Variants in LIMCH1 observed in about 807,000 individuals in gnomAD.
LIMCH1 encodes the protein LIM and calponin homology domains-containing protein 1.
Under a neutral mutation model 176.5 loss-of-function variants are expected in LIMCH1, and 113 were observed. The observed-to-expected ratio is 0.64, with a 90% CI of 0.55 to 0.75. LIMCH1 has a LOEUF of 0.75. Ranked by LOEUF, LIMCH1 falls within the 30% of genes least tolerant of loss-of-function variation. LIMCH1 has a pLI of 0.00. For missense variants in LIMCH1, 1,674 were observed against 1,814.9 expected (o/e 0.92, Z 1.41); for synonymous variants, 619 against 645.9 (o/e 0.96, Z 0.63).
At chr4:41,417,499 A>G (rs540410645) in intron 1 of LIMCH1, among the ~76,000 whole-genome samples, 2 of 152,124 alleles carry the variant, frequency 1.3e-5, no homozygotes, top group African/African-American at 4.8e-5. Context: ...AGTAGTCGTT[A>G]TCTCTGGAGA....
At chr4:41,629,189 A>G (rs1407482504) in intron 8 of LIMCH1, among the ~76,000 whole-genome samples, 1 of 152,202 alleles carries the variant, frequency 6.6e-6, no homozygotes, top group Non-Finnish European at 1.5e-5. Context: ...ATTACCATCC[A>G]ACCAAAATCT....
chr4:41,377,484 T>A (rs1581216838), intron 1 of LIMCH1, among the ~76,000 whole-genome samples: 2 of 152,222 alleles, frequency 1.3e-5, no homozygotes, highest in East Asian at 1.9e-4. Flanking sequence ...CCAGTAATAC[T>A]CTCATCTACC....
chr4:41,531,342 C>T (rs1002354352), intron 3 of LIMCH1, among the ~76,000 whole-genome samples: 6 of 152,028 alleles, frequency 3.9e-5, no homozygotes, highest in African/African-American at 1.4e-4. Flanking sequence ...CCATACCTAA[C>T]AAGTGATCAT....
chr4:41,419,645 T>C (rs148650578), intron 1 of LIMCH1, among the ~76,000 whole-genome samples: 5,632 of 49,966 alleles, frequency 0.11, 533 homozygotes, highest in African/African-American at 0.32. Flanking sequence ...CTCCTTCCTT[T>C]CTTCCTCCTT....
At chr4:41,369,791 T>C (rs574281947) in intron 1 of LIMCH1, among the ~76,000 whole-genome samples, 4 of 152,236 alleles carry the variant, frequency 2.6e-5, no homozygotes, top group African/African-American at 9.6e-5. Flanking sequence ...TCAGCCAGGC[T>C]GTTCCTCACT....
chr4:41,651,095 C>G (rs946727853), intron 18 of LIMCH1, among the ~76,000 whole-genome samples: 1 of 152,054 alleles, frequency 6.6e-6, no homozygotes, highest in African/African-American at 2.4e-5. Flanking sequence ...CAACCTCTGC[C>G]TCCAGGCTTC....
At chr4:41,692,235 A>G (rs780950031) in intron 30 of LIMCH1, 47 bp from the exon 31 acceptor site, 1 of 1,119,708 alleles carries the variant, frequency 8.9e-7, no homozygotes, top group Non-Finnish European at 1.4e-6. Context: ...ATTAGAAAGA[A>G]ACAATTCCTT....
chr4:41,564,573 C>T (rs1393444901), intron 1 of LIMCH1, among the ~76,000 whole-genome samples: 2 of 152,086 alleles, frequency 1.3e-5, no homozygotes, highest in African/African-American at 4.8e-5. Context: ...CTGTTTTGTC[C>T]TCAGTGAAAT....
intron 1 of LIMCH1, among the ~76,000 whole-genome samples, chr4:41,491,243 C>T (rs547478478): frequency 2.2e-5 from 3 of 139,414 alleles, no homozygotes; most frequent in South Asian, 2.4e-4. Context: ...ATGGGGCGGC[C>T]GGGCAGAGGC....
Position 41,464,269 on chromosome 4 carries a change from A to G in LIMCH1, c.97-30267A>G, listed in dbSNP as rs183295919. Among the ~76,000 whole-genome samples, 474 of 149,648 alleles carry G rather than the reference A, an allele frequency of 3.2e-3. 9 individuals are homozygous for G. The highest frequency in any genetic ancestry group is 0.03 in the Admixed American group (448 of 15,054). On this transcript the variant is annotated intron_variant, in intron 1 of 26. Transcript: ENST00000313860. The stretch of plus-strand genomic sequence containing the variant: ...TCCTCCACTGGGCTGTGTGCATGCC[A>G]TCTCCTCCCCTGGAAGGCTCTTCCC...
intron 1 of LIMCH1, among the ~76,000 whole-genome samples, chr4:41,438,675 C>A (rs1357296978): frequency 6.6e-6 from 1 of 151,616 alleles, no homozygotes; most frequent in African/African-American, 2.4e-5. Context: ...TTTCAAACTT[C>A]TGCAGTGAAG....
chr4:41,643,141 A>C (rs115942529), intron 14 of LIMCH1, among the ~76,000 whole-genome samples: 192 of 152,206 alleles, frequency 1.3e-3, no homozygotes, highest in African/African-American at 4.2e-3. Context: ...ATTCCTTTTG[A>C]GTGGATTGAA....
rs554553102 is a variant in LIMCH1, at chr4:41,377,061, A to G, written c.96+16125A>G. ...AAGCACATGAAATTAAGACTTTCAG[A>G]TGTATGTACAATATTGCAGCATAAC... On this transcript the variant is annotated intron_variant, in intron 1 of 26. Transcript: ENST00000313860. Among the ~76,000 whole-genome samples, 158 of 152,320 alleles carry G rather than the reference A, an allele frequency of 1.0e-3. 1 individual carries two copies. The highest frequency in any genetic ancestry group is 3.4e-3 in the African/African-American group (143 of 41,564).
At chr4:41,378,877 G>A (rs1186237231) in intron 1 of LIMCH1, among the ~76,000 whole-genome samples, 1 of 152,154 alleles carries the variant, frequency 6.6e-6, no homozygotes, top group Non-Finnish European at 1.5e-5. Context: ...TGACGAAGGG[G>A]TAGAGAGGGA....
chr4:41,487,751 T>C (rs576571036), intron 1 of LIMCH1, among the ~76,000 whole-genome samples: 20 of 143,808 alleles, frequency 1.4e-4, no homozygotes, highest in Non-Finnish European at 2.9e-4. Context: ...CTCCACCTCC[T>C]GGGTTCACGC....
intron 2 of LIMCH1, among the ~76,000 whole-genome samples, chr4:41,499,291 G>A (rs1238732333): frequency 1.3e-5 from 2 of 152,016 alleles, no homozygotes; most frequent in Non-Finnish European, 2.9e-5. Context: ...TGCCATATTT[G>A]CTTTATCTCT....
rs1290594908 is a variant in LIMCH1, at chr4:41,419,608, T to TCCTTCCTTCCTTCCG, written c.96+58672_96+58673insCCTTCCTTCCTTCCG. ...CTTCCTTCCTTCCTTCCTTCCGTCC[T>TCCTTCCTTCCTTCCG]TCCTTCCTTCCTTCCTTCCTTCCTT... On this transcript the variant is annotated intron_variant, in intron 1 of 26. Coordinates refer to the LIMCH1 transcript ENST00000313860. Among the ~76,000 whole-genome samples, 102 of 53,540 alleles carry TCCTTCCTTCCTTCCG rather than the reference T, an allele frequency of 1.9e-3. 7 individuals carry two copies. Among genetic ancestry groups the TCCTTCCTTCCTTCCG allele is most frequent in the African/African-American group, 0.017 (93 of 5,326 alleles). The allele number at this position is 53,540 out of a possible 152,430, so 35.1% of individuals were successfully genotyped here.
intron 1 of LIMCH1, among the ~76,000 whole-genome samples, chr4:41,394,059 G>A (rs2057542543): frequency 1.3e-5 from 2 of 152,128 alleles, no homozygotes; most frequent in Middle Eastern, 3.4e-3. Flanking sequence ...TTTATTTTTG[G>A]GATTGAGTTC....
At chr4:41,400,764 T>G (rs1024016210) in intron 1 of LIMCH1, among the ~76,000 whole-genome samples, 8 of 152,302 alleles carry the variant, frequency 5.3e-5, no homozygotes, top group Non-Finnish European at 1.2e-4. Context: ...CTGGATATAT[T>G]TTGATGAGAA....
Sources: allele counts gnomAD v4.1 joint callset (sites outside exome capture counted in the v4.1 genomes callset), GRCh38; gene constraint gnomAD v4.1.1; transcripts MANE v1.5; gene names NCBI Gene and HGNC (gene_info 2026-07-23, HGNC 2026-07-21).